Variants in TRIM62 observed in about 807,000 individuals in gnomAD.
TRIM62 encodes the protein tripartite motif containing 62.
In TRIM62, 39 loss-of-function variants were observed where a neutral mutation model predicts 44.2. That is an observed-to-expected ratio of 0.88 (90% CI 0.68 to 1.15). TRIM62 has a LOEUF of 1.15. Among genes scored for constraint, TRIM62 ranks in the 50% most tolerant of loss-of-function variants. TRIM62 has a pLI of 0.00. For missense variants in TRIM62, 544 were observed against 665.5 expected (o/e 0.82, Z 2.01); for synonymous variants, 278 against 292.3 (o/e 0.95, Z 0.50).
intron 1 of TRIM62, 53 bp downstream of exon 1, chr1:33,180,972 G>GCCCCCCCCCCC: frequency 7.7e-7 from 1 of 1,306,626 alleles, no homozygotes; most frequent in Non-Finnish European, 1.0e-6. Flanking sequence ...CCCCCGCCCG[G>GCCCCCCCCCCC]CCCCACCTCC....
chr1:33,174,348 A>AT (rs1645397059), intron 1 of TRIM62, among the ~76,000 whole-genome samples: 1 of 151,926 alleles, frequency 6.6e-6, no homozygotes, highest in South Asian at 2.1e-4. Context: ...TGCCCAGCTA[A>AT]TTTTTTTGCA....
intron 1 of TRIM62, chr1:33,176,593 C>G: frequency 1.9e-6 from 1 of 523,062 alleles, no homozygotes; most frequent in South Asian, 2.5e-5. Flanking sequence ...ACCAAGATGA[C>G]GTCCCAACCA....
rs1645037535 is a variant in TRIM62, at chr1:33,147,582, C to T, written c.1023G>A (p.Leu341=). 1 of 1,613,960 alleles carries T rather than the reference C, an allele frequency of 6.2e-7. No individual in the cohort carries two copies. Among genetic ancestry groups the T allele is most frequent in the Non-Finnish European group, 8.5e-7 (1 of 1,180,006 alleles). The change falls in exon 5 of 5, where the codon CTG becomes CTA. Residue 341 remains leucine (L), a synonymous_variant. Transcript: ENST00000291416. This position sits in a 1 kb window ranked among gnomAD's most constrained non-coding sequence, Gnocchi z 8.1. The part of the protein sequence containing the change: ...PKRFDVEVSV[L]GSEAFSSGVH... ...CGCCACTACTGAAGGCTTCAGAACCCAGCACCGACACCTCCACATCGAAGC... is the reference window on the plus strand; with the variant it reads ...CGCCACTACTGAAGGCTTCAGAACCTAGCACCGACACCTCCACATCGAAGC...
intron 1 of TRIM62, among the ~76,000 whole-genome samples, chr1:33,175,745 C>G (rs996347442): frequency 6.6e-6 from 1 of 152,050 alleles, no homozygotes; most frequent in African/African-American, 2.4e-5. Context: ...CAGTCCCACT[C>G]AGGGAGTAGG....
chr1:33,180,981 C>A, intron 1 of TRIM62, 44 bp downstream of exon 1: 11 of 587,138 alleles, frequency 1.9e-5, no homozygotes, highest in Non-Finnish European at 3.1e-5. Context: ...GGCCCCACCT[C>A]CAGCCCGGCC....
chr1:33,153,217 T>C (rs1424380754), intron 4 of TRIM62, among the ~76,000 whole-genome samples: 1 of 152,114 alleles, frequency 6.6e-6, no homozygotes, highest in African/African-American at 2.4e-5. Flanking sequence ...TAAAGGGCTT[T>C]GGTGCTGGCA....
Position 33,147,597 on chromosome 1 carries a change from C to T in TRIM62, c.1008G>A (p.Val336=), listed in dbSNP as rs2124708754. ...CTTCAGAACCCAGCACCGACACCTC[C>T]ACATCGAAGCGCTTTGGCGAGTCCT... ...PLQDSPKRFD[V]EVSVLGSEAF... Residue 336 remains valine (V), a synonymous_variant, in exon 5 of 5, where the codon GTG becomes GTA. Coordinates refer to ENST00000291416, the MANE Select transcript of TRIM62 (RefSeq NM_018207.3). The surrounding 1 kb of genome is among the most constrained non-coding windows in gnomAD (Gnocchi z 8.1). The T allele has an allele frequency of 6.2e-7, 1 of 1,614,148 alleles. No homozygotes were observed. Among genetic ancestry groups the T allele is most frequent in the Non-Finnish European group, 8.5e-7 (1 of 1,180,044 alleles).
rs1216608366 is a variant in TRIM62 at position 33,181,565 on chromosome 1, G to A, written c.-133C>T. 3 of 1,398,572 alleles carry A rather than the reference G, an allele frequency of 2.1e-6. No individual in the cohort carries two copies. Among genetic ancestry groups the A allele is most frequent in the African/African-American group, 3.0e-5 (2 of 66,018 alleles). The allele number at this position is 1,398,572 out of a possible 1,614,324, so 86.6% of individuals were successfully genotyped here. A position where few individuals can be genotyped will look rare whatever the true frequency, so the allele number is the denominator to read the frequency against. On this transcript the variant is annotated 5_prime_UTR_variant, in exon 1 of 5. Coordinates refer to ENST00000291416, the MANE Select transcript of TRIM62 (RefSeq NM_018207.3). The surrounding 1 kb of genome is among the most constrained non-coding windows in gnomAD (Gnocchi z 6.5). ...ACAGGCAGGGGTAGGAGCTACCGGAGAAGGGAGGGGGTGCTGTCCGGAAGG... is the reference window on the plus strand; with the variant it reads ...ACAGGCAGGGGTAGGAGCTACCGGAAAAGGGAGGGGGTGCTGTCCGGAAGG...
rs1421767750 is a variant in TRIM62 at position 33,167,640 on chromosome 1, C to T, written c.409-2074G>A. Among the ~76,000 whole-genome samples the T allele has an allele frequency of 6.6e-6, 1 of 152,190 alleles. No individual in the cohort carries two copies. Among genetic ancestry groups the T allele is most frequent in the African/African-American group, 2.4e-5 (1 of 41,436 alleles). ...GCGTGAATGAAGTTCCTGGAAATGG[C>T]CTCTGAGTTCCCCAAGTCAGTCTGG... On this transcript the variant is annotated intron_variant, in intron 1 of 4. Coordinates refer to ENST00000291416, the MANE Select transcript of TRIM62 (RefSeq NM_018207.3). The surrounding 1 kb of genome is among the most constrained non-coding windows in gnomAD (Gnocchi z 4.2).
At chr1:33,150,308 G>A (rs1014442685) in intron 4 of TRIM62, among the ~76,000 whole-genome samples, 2 of 152,184 alleles carry the variant, frequency 1.3e-5, no homozygotes, top group Non-Finnish European at 2.9e-5. Flanking sequence ...TACTTCAGTT[G>A]CCTCTGTTGG....
At chr1:33,174,969 A>ATG (rs1557762471) in intron 1 of TRIM62, among the ~76,000 whole-genome samples, 8 of 131,394 alleles carry the variant, frequency 6.1e-5, no homozygotes, top group African/African-American at 2.6e-4. Flanking sequence ...ATATATATAT[A>ATG]CACACATATA....
chr1:33,179,192 G>A (rs1645442687), intron 1 of TRIM62, among the ~76,000 whole-genome samples: 1 of 152,360 alleles, frequency 6.6e-6, no homozygotes, highest in South Asian at 2.1e-4. Context: ...CAGCAGCAGC[G>A]CCTAAAACGA....
rs1645321471 is a variant in TRIM62 at position 33,165,637 on chromosome 1, C to T, written c.409-71G>A. On this transcript the variant is annotated intron_variant, in intron 1 of 4. Transcript: ENST00000291416. The surrounding 1 kb of genome is among the most constrained non-coding windows in gnomAD (Gnocchi z 4.0). ...CCCAGGCATTCAGCCCTGACCACTG[C>T]CAGGCGCTGGGGGTTAGCCTGGTCT... 2 of 1,363,100 alleles carry T rather than the reference C, an allele frequency of 1.5e-6. No individual in the cohort carries two copies. Among genetic ancestry groups the T allele is most frequent in the Non-Finnish European group, 2.0e-6 (2 of 1,010,180 alleles). 84.4% of individuals were successfully genotyped at this position (1,363,100 alleles called of 1,614,324 possible).
chr1:33,158,277 A>G lies in TRIM62; in HGVS notation c.853T>C (p.Ser285Pro), dbSNP rs1185280189. Reference sequence around the variant, plus strand: ...CCTGGGTGGATGTCCTGGAACAGGGACTTCCAGATGGTGTACTGCAGGGGG... The same window carrying G: ...CCTGGGTGGATGTCCTGGAACAGGGGCTTCCAGATGGTGTACTGCAGGGGG... ...TGPLQYTIWK[S>P]LFQDIHPVPA... Residue 285 changes from serine (S) to proline (P), a missense_variant, in exon 4 of 5, where the codon TCC becomes CCC. Ser to Pro is a moderately conservative substitution (Grantham distance 74). Transcript: ENST00000291416. 2 of 1,613,984 alleles carry G rather than the reference A, an allele frequency of 1.2e-6. No homozygotes were observed. The highest frequency in any genetic ancestry group is 2.2e-5 in the East Asian group (1 of 44,872).
intron 2 of TRIM62, among the ~76,000 whole-genome samples, chr1:33,162,087 A>G (rs1309047338): frequency 6.6e-6 from 1 of 152,188 alleles, no homozygotes; most frequent in Admixed American, 6.5e-5. Context: ...TTGGTCTACA[A>G]GTCAACTCTT....
chr1:33,171,066 C>T (rs1645370691), intron 1 of TRIM62, among the ~76,000 whole-genome samples: 1 of 152,176 alleles, frequency 6.6e-6, no homozygotes, highest in Non-Finnish European at 1.5e-5. Flanking sequence ...GCTGCAGGGA[C>T]CATCTGGTCC....
chr1:33,181,702 G>T lies in TRIM62; in HGVS notation c.-270C>A, dbSNP rs1645466037. 1.2e-5 allele frequency: 6 copies of T among 514,246 alleles called. No individual in the cohort carries two copies. The highest frequency in any genetic ancestry group is 2.0e-5 in the Non-Finnish European group (6 of 296,654). 31.9% of individuals were successfully genotyped at this position (514,246 alleles called of 1,614,324 possible). Reference sequence around the variant, plus strand: ...GCGATGGGCGCTGGGAGGAGGCTGTGAGCGGCTGAGGGACGGAGATCCTGA... The same window carrying T: ...GCGATGGGCGCTGGGAGGAGGCTGTTAGCGGCTGAGGGACGGAGATCCTGA... On this transcript the variant is annotated 5_prime_UTR_variant, in exon 1 of 5. It introduces an in-frame stop codon into an upstream open reading frame of the 5' UTR. Transcript: ENST00000291416. The surrounding 1 kb of genome is among the most constrained non-coding windows in gnomAD (Gnocchi z 6.5).
intron 4 of TRIM62, among the ~76,000 whole-genome samples, chr1:33,155,816 G>A (rs774820414): frequency 1.3e-5 from 2 of 152,058 alleles, no homozygotes; most frequent in East Asian, 3.9e-4. Context: ...TCTGCCCTTG[G>A]GGGGGATCTG....
intron 4 of TRIM62, among the ~76,000 whole-genome samples, chr1:33,151,662 A>T (rs1312771168): frequency 6.6e-6 from 1 of 152,172 alleles, no homozygotes; most frequent in Non-Finnish European, 1.5e-5. Context: ...GTCCCGGGAC[A>T]CCAAGATTTA....
Sources: allele counts gnomAD v4.1 joint callset (sites outside exome capture counted in the v4.1 genomes callset), GRCh38; gene constraint gnomAD v4.1.1; non-coding constraint Gnocchi (gnomAD v3.1); transcripts MANE v1.5; gene names NCBI Gene and HGNC (gene_info 2026-07-23, HGNC 2026-07-21).